Variants in PDE8A observed in about 807,000 individuals in gnomAD.
PDE8A encodes the protein phosphodiesterase 8A.
A neutral mutation model predicts 105.0 loss-of-function variants in PDE8A; 59 were observed. The ratio of observed to expected loss-of-function variants is 0.56; its 90% CI spans 0.46 to 0.70. PDE8A has a LOEUF of 0.70. PDE8A is among the 30% of genes least tolerant of loss of function. PDE8A has a pLI of 0.00. For synonymous variants in PDE8A, 355 were observed against 371.9 expected, an observed-to-expected ratio of 0.95 and a Z score of 0.52; for missense variants, 1,014 against 1,045.9, an observed-to-expected ratio of 0.97 and a Z score of 0.42.
intron 18 of PDE8A, 144 bp downstream of exon 18, chr15:85,121,158 T>G (rs1001996845): frequency 6.8e-6 from 4 of 590,614 alleles, no homozygotes; most frequent in Non-Finnish European, 1.2e-5. Flanking sequence ...CTCATGCCTA[T>G]AATCCCAGCA....
At chr15:85,002,077 A>G (rs767847848) in intron 1 of PDE8A, among the ~76,000 whole-genome samples, 2 of 151,878 alleles carry the variant, frequency 1.3e-5, no homozygotes, top group Non-Finnish European at 2.9e-5. Context: ...AAACTCCCAC[A>G]CACGTAAAGC....
In PDE8A at chr15:85,025,474, C is replaced by T. The variant is rs12912097; in HGVS notation, c.187-38896C>T. Among the ~76,000 whole-genome samples, 307 of 152,172 alleles carry T rather than the reference C, an allele frequency of 2.0e-3. 1 individual carries two copies. Among genetic ancestry groups the T allele is most frequent in the Non-Finnish European group, 3.5e-3 (239 of 68,018 alleles). ...AGGCAGTACTATGTTATTATCGTAACTAGTGACATTTAAAGAAAGAAACCC... is the reference window on the plus strand; with the variant it reads ...AGGCAGTACTATGTTATTATCGTAATTAGTGACATTTAAAGAAAGAAACCC... On this transcript the variant is annotated intron_variant, in intron 1 of 21. Coordinates refer to ENST00000394553, the MANE Select transcript of PDE8A (RefSeq NM_002605.3).
chr15:85,123,148 T>G lies in PDE8A; in HGVS notation c.2040T>G (p.Phe680Leu). ...AGCACTTTGAGCATGTCAACAAATTTGTCAACAGCATCAACAAACCCTTGG... is the reference window on the plus strand; with the variant it reads ...AGCACTTTGAGCATGTCAACAAATTGGTCAACAGCATCAACAAACCCTTGG... ...MTKHFEHVNK[F>L]VNSINKPLAT... Residue 680 changes from phenylalanine (F) to leucine (L), a missense_variant, in exon 19 of 22, where the codon TTT becomes TTG. Coordinates refer to ENST00000394553, the MANE Select transcript of PDE8A (RefSeq NM_002605.3). 1 of 1,614,048 alleles carries G rather than the reference T, an allele frequency of 6.2e-7. No homozygotes were observed. Among genetic ancestry groups the G allele is most frequent in the Non-Finnish European group, 8.5e-7 (1 of 1,179,972 alleles).
intron 1 of PDE8A, among the ~76,000 whole-genome samples, chr15:85,012,419 A>T (rs2080254525): frequency 6.6e-6 from 1 of 152,080 alleles, no homozygotes; most frequent in Non-Finnish European, 1.5e-5. Context: ...GAAATTGGAA[A>T]TCATCATTCT....
chr15:85,120,723 G>A, intron 17 of PDE8A, 74 bp from the exon 18 acceptor site: 1 of 883,470 alleles, frequency 1.1e-6, no homozygotes, highest in Non-Finnish European at 1.8e-6. Flanking sequence ...TAATAGGGGA[G>A]AAAGAAAACT....
chr15:85,063,932 A>C (rs572087738), intron 1 of PDE8A: 5 of 158,290 alleles, frequency 3.2e-5, no homozygotes, highest in African/African-American at 9.6e-5. Flanking sequence ...TGCATTATTC[A>C]TGTGCCATTT....
intron 1 of PDE8A, among the ~76,000 whole-genome samples, chr15:85,052,368 T>C (rs1162966998): frequency 6.6e-6 from 1 of 152,258 alleles, no homozygotes; most frequent in African/African-American, 2.4e-5. Flanking sequence ...AAATGGTATT[T>C]CTAGTTCTAG....
chr15:85,099,468 A>G (rs28408242), intron 9 of PDE8A, among the ~76,000 whole-genome samples: 7,908 of 152,238 alleles, frequency 0.052, 362 homozygotes, highest in African/African-American at 0.12. Flanking sequence ...GTATATAGGG[A>G]TTTGATTATC....
chr15:85,063,535 A>G (rs1219553525), intron 1 of PDE8A: 2 of 152,180 alleles, frequency 1.3e-5, no homozygotes, highest in East Asian at 1.9e-4. Context: ...AGGCTATTCA[A>G]ATCTTCTGGT....
chr15:84,982,733 AT>A (rs1419872792), intron 1 of PDE8A, among the ~76,000 whole-genome samples: 1 of 152,162 alleles, frequency 6.6e-6, no homozygotes, highest in Non-Finnish European at 1.5e-5. Context: ...GCAATGTTAA[AT>A]CAGTGTGAAC....
intron 15 of PDE8A, 100 bp from the exon 16 acceptor site, chr15:85,115,884 C>T (rs1800124044): frequency 3.7e-6 from 4 of 1,067,392 alleles, no homozygotes; most frequent in African/African-American, 1.6e-5. Context: ...TGTACCACAA[C>T]ACTCCAGCCT....
chr15:85,041,107 G>A lies in PDE8A; in HGVS notation c.187-23263G>A, dbSNP rs1429495239. Among the ~76,000 whole-genome samples, 4 of 152,084 alleles carry A rather than the reference G, an allele frequency of 2.6e-5. No individual in the cohort carries two copies. The South Asian group carries it at 6.2e-4, about 24-fold the overall frequency. ...GGGTTGTAGGGTAATGCAAGTGCAGGCATTTTAGGCCAAACCTCAGTAATT... is the reference window on the plus strand; with the variant it reads ...GGGTTGTAGGGTAATGCAAGTGCAGACATTTTAGGCCAAACCTCAGTAATT... On this transcript the variant is annotated intron_variant, in intron 1 of 21. Transcript: ENST00000394553.
intron 7 of PDE8A, chr15:85,090,734 C>T (rs767325266): frequency 6.5e-6 from 3 of 460,316 alleles, no homozygotes; most frequent in South Asian, 3.1e-5. Flanking sequence ...TGTAGCAGCT[C>T]CTGGTTTGGC....
chr15:85,049,443 G>T (rs1422713469), intron 1 of PDE8A, among the ~76,000 whole-genome samples: 1 of 152,138 alleles, frequency 6.6e-6, no homozygotes, highest in African/African-American at 2.4e-5. Context: ...GAATCATATA[G>T]AATTTGTCTT....
chr15:85,088,066 T>C (rs28614128), intron 6 of PDE8A, among the ~76,000 whole-genome samples: 15,168 of 152,252 alleles, frequency 0.1, 1,635 homozygotes, highest in African/African-American at 0.27. Context: ...CAGCCCAGGC[T>C]GTAGTGCAGT....
At chr15:85,034,056 G>A (rs1488644977) in intron 1 of PDE8A, among the ~76,000 whole-genome samples, 1 of 152,098 alleles carries the variant, frequency 6.6e-6, no homozygotes, top group Non-Finnish European at 1.5e-5. Context: ...TCCCAGTAGG[G>A]TTATTAGATT....
At chr15:84,996,807 CAG>C (rs1337326263) in intron 1 of PDE8A, among the ~76,000 whole-genome samples, 1 of 109,532 alleles carries the variant, frequency 9.1e-6, no homozygotes, top group African/African-American at 3.6e-5. Context: ...TCCTGGACAA[CAG>C]AGCAAGACTC....
At chr15:84,994,227 G>A (rs531169414) in intron 1 of PDE8A, among the ~76,000 whole-genome samples, 22 of 152,014 alleles carry the variant, frequency 1.4e-4, no homozygotes, top group Admixed American at 5.2e-4. Flanking sequence ...TTTCTTAATT[G>A]CTTATTCATG....
intron 1 of PDE8A, among the ~76,000 whole-genome samples, chr15:84,990,609 G>A (rs1312966858): frequency 6.6e-6 from 1 of 152,086 alleles, no homozygotes; most frequent in African/African-American, 2.4e-5. Flanking sequence ...AGAAACCACA[G>A]TTCACTTATC....
Sources: allele counts gnomAD v4.1 joint callset (sites outside exome capture counted in the v4.1 genomes callset), GRCh38; gene constraint gnomAD v4.1.1; transcripts MANE v1.5; gene names NCBI Gene and HGNC (gene_info 2026-07-23, HGNC 2026-07-21).